Variants in BNC1 observed in about 807,000 individuals in gnomAD.
The protein encoded by BNC1 is basonuclin zinc finger protein 1.
BNC1 carries 8 observed loss-of-function variants against 66.5 expected under a neutral mutation model. The ratio of observed to expected loss-of-function variants is 0.12; its 90% CI spans 0.07 to 0.22. BNC1 has a LOEUF of 0.22. Ranked by LOEUF, BNC1 falls within the 10% of genes least tolerant of loss-of-function variation. The pLI, the probability that BNC1 is intolerant of heterozygous loss-of-function variation, is 1.00. For missense variants in BNC1, 1,069 were observed against 1,241.3 expected (o/e 0.86, Z 2.09); for synonymous variants, 454 against 452.6 (o/e 1.00, Z -0.04).
intron 1 of BNC1, among the ~76,000 whole-genome samples, chr15:83,278,651 C>A (rs763744722): frequency 5.9e-5 from 9 of 152,170 alleles, no homozygotes. Flanking sequence ...AAGATTATCT[C>A]TGAATGTGGA....
intron 4 of BNC1, among the ~76,000 whole-genome samples, chr15:83,259,024 G>T (rs1356056933): frequency 6.6e-6 from 1 of 152,174 alleles, no homozygotes; most frequent in Non-Finnish European, 1.5e-5. Flanking sequence ...ATGTAGTTTA[G>T]TTCATATTTG....
At chr15:83,277,787 ACT>A (rs2038341329) in intron 1 of BNC1, among the ~76,000 whole-genome samples, 1 of 151,798 alleles carries the variant, frequency 6.6e-6, no homozygotes, top group African/African-American at 2.4e-5. Context: ...TGTCATTCTT[ACT>A]CTTTCTGTGG....
Position 83,284,591 on chromosome 15 carries a change from G to A in BNC1, c.38C>T (p.Ala13Val), listed in dbSNP as rs941658958. ...RRPPSRGGRG[A>V]ARARETRRQP... ...CCGGCGCGTCTCCCGGGCCCGGGCC[G>A]CCCCGCGTCCGCCCCGGCTCGGCGG... Residue 13 changes from alanine to valine, a missense_variant, in exon 1 of 5, where the codon GCG (alanine) becomes GTG (valine). By Grantham distance (64) the Ala-to-Val change is moderately conservative. Transcript: ENST00000345382. 8.7e-6 allele frequency: 9 copies of A among 1,034,458 alleles called. No individual in the cohort carries two copies. In the South Asian group the frequency reaches 2.7e-4, roughly 31 times the overall value. The allele number at this position is 1,034,458 out of a possible 1,614,324, so 64.1% of individuals were successfully genotyped here.
At chr15:83,275,491 C>CA (rs35785505) in intron 1 of BNC1, among the ~76,000 whole-genome samples, 5,055 of 82,670 alleles carry the variant, frequency 0.061, 302 homozygotes, top group African/African-American at 0.16. Context: ...GACTCCATCT[C>CA]AAAAAAAAAA....
At chr15:83,281,021 G>A (rs1178613945) in intron 1 of BNC1, among the ~76,000 whole-genome samples, 1 of 151,922 alleles carries the variant, frequency 6.6e-6, no homozygotes, top group African/African-American at 2.4e-5. Context: ...ATGTGTAGAC[G>A]GCAAGAGTGA....
chr15:83,279,191 T>C (rs1009644018), intron 1 of BNC1, among the ~76,000 whole-genome samples: 3 of 152,146 alleles, frequency 2.0e-5, no homozygotes, highest in African/African-American at 7.2e-5. Flanking sequence ...TATATATGAA[T>C]GAAATTATAT....
chr15:83,258,911 C>T (rs1477294913), intron 4 of BNC1, among the ~76,000 whole-genome samples: 2 of 152,166 alleles, frequency 1.3e-5, no homozygotes. Flanking sequence ...AAGCTTGCAT[C>T]GTATTTCTAT....
intron 3 of BNC1, 113 bp from the exon 4 acceptor site, chr15:83,264,928 G>T: frequency 1.8e-6 from 2 of 1,107,218 alleles, no homozygotes; most frequent in Non-Finnish European, 2.6e-6. Flanking sequence ...GGAAAAAGAT[G>T]AATGCAGGGC....
chr15:83,282,595 C>G (rs183539824), intron 1 of BNC1, among the ~76,000 whole-genome samples: 30 of 152,278 alleles, frequency 2.0e-4, no homozygotes, highest in African/African-American at 7.2e-4. Flanking sequence ...AAAAGAGAGT[C>G]AGTGTATCCA....
rs780459994 is a variant in BNC1 at position 83,263,164 on chromosome 15, C to T, written c.2087G>A (p.Cys696Tyr). The T allele has an allele frequency of 1.2e-6, 2 of 1,614,220 alleles. No individual in the cohort carries two copies. Among genetic ancestry groups the T allele is most frequent in the Non-Finnish European group, 1.7e-6 (2 of 1,180,048 alleles). ...ALSNRGMAFP[C>Y]LEDSKELEHV... ...CTCCAGTTCTTTAGAATCTTCAAGA[C>T]AAGGAAAAGCCATTCCCCTGTTGGA... Residue 696 changes from cysteine (C) to tyrosine (Y), a missense_variant, in exon 4 of 5, where the codon TGT becomes TAT. Transcript: ENST00000345382.
At chr15:83,282,577 G>C (rs2038390108) in intron 1 of BNC1, among the ~76,000 whole-genome samples, 1 of 152,088 alleles carries the variant, frequency 6.6e-6, no homozygotes, top group African/African-American at 2.4e-5. Context: ...TCTGGGAAGG[G>C]ATCAATGAAA....
chr15:83,261,639 T>C (rs899599907), intron 4 of BNC1, among the ~76,000 whole-genome samples: 10 of 152,200 alleles, frequency 6.6e-5, no homozygotes, highest in African/African-American at 2.2e-4. Flanking sequence ...CTCAAGTTCA[T>C]GAAGAAAAGC....
chr15:83,283,520 T>G (rs1352089647), intron 1 of BNC1: 1 of 985,144 alleles, frequency 1.0e-6, no homozygotes, highest in Non-Finnish European at 1.2e-6. Flanking sequence ...TGGGCGGGAC[T>G]GTTAAGGGAG....
chr15:83,265,475 T>G (rs1010969831), intron 3 of BNC1, among the ~76,000 whole-genome samples: 1 of 152,238 alleles, frequency 6.6e-6, no homozygotes, highest in Non-Finnish European at 1.5e-5. Context: ...TGTAAGAGTT[T>G]TGAAGATGAT....
rs951633224 is a variant in BNC1, at chr15:83,267,501, A to G, written c.200-430T>C. On this transcript the variant is annotated intron_variant, in intron 2 of 4. Coordinates refer to ENST00000345382, the MANE Select transcript of BNC1 (RefSeq NM_001717.4). Reference sequence around the variant, plus strand: ...TCTAGTTGTGGGGCTTAACAAATTAACCCCCCTAAGGCCACGCTGTCCAAT... The same window carrying G: ...TCTAGTTGTGGGGCTTAACAAATTAGCCCCCCTAAGGCCACGCTGTCCAAT... Among the ~76,000 whole-genome samples, 4 of 151,934 alleles carry G rather than the reference A, an allele frequency of 2.6e-5. No individual in the cohort carries two copies. In the South Asian group the frequency reaches 8.3e-4, roughly 32 times the overall value.
intron 1 of BNC1, chr15:83,283,558 G>A (rs1459911821): frequency 1.4e-5 from 14 of 968,426 alleles, no homozygotes; most frequent in African/African-American, 1.4e-4. Context: ...GGGGCTTCCC[G>A]TCCCGGCGCT....
At chr15:83,259,826 C>T (rs1483242824) in intron 4 of BNC1, among the ~76,000 whole-genome samples, 1 of 152,150 alleles carries the variant, frequency 6.6e-6, no homozygotes, top group Admixed American at 6.6e-5. Flanking sequence ...GATACATTTC[C>T]TGAGGTGCCA....
chr15:83,282,926 T>A (rs557442335), intron 1 of BNC1, among the ~76,000 whole-genome samples: 1 of 152,314 alleles, frequency 6.6e-6, no homozygotes, highest in East Asian at 1.9e-4. Flanking sequence ...GGGCCTCTTT[T>A]AGGCCCCTTA....
At chr15:83,283,364 G>A (rs2038403519) in intron 1 of BNC1, 1 of 1,400,040 alleles carries the variant, frequency 7.1e-7, no homozygotes, top group Non-Finnish European at 9.3e-7. Context: ...GGCGGCTCCG[G>A]AGGAGCAGCG....
Sources: allele counts gnomAD v4.1 joint callset (sites outside exome capture counted in the v4.1 genomes callset), GRCh38; gene constraint gnomAD v4.1.1; transcripts MANE v1.5; gene names NCBI Gene and HGNC (gene_info 2026-07-23, HGNC 2026-07-21).